RSPO3: variants seen among roughly 807,000 people sequenced by gnomAD.
The protein encoded by RSPO3 is R-spondin 3, also known as R-spondin-3.
RSPO3 carries 17 observed loss-of-function variants against 36.5 expected under a neutral mutation model. That is an observed-to-expected ratio of 0.47 (90% CI 0.32 to 0.70). RSPO3 has a LOEUF of 0.70. Among genes scored for constraint, RSPO3 ranks in the 30% least tolerant of loss-of-function variants. The pLI is 0.04. For missense variants in RSPO3, 294 were observed against 322.5 expected (o/e 0.91, Z 0.68); for synonymous variants, 108 against 107.0 (o/e 1.01, Z -0.06).
intron 4 of RSPO3, among the ~76,000 whole-genome samples, chr6:127,173,033 A>C (rs1167576021): frequency 1.3e-5 from 2 of 151,744 alleles, no homozygotes; most frequent in South Asian, 4.1e-4. Flanking sequence ...GTTCAAGAGG[A>C]TCATTTATTT....
intron 4 of RSPO3, among the ~76,000 whole-genome samples, chr6:127,158,314 T>A (rs1774633680): frequency 6.6e-6 from 1 of 152,128 alleles, no homozygotes; most frequent in Admixed American, 6.6e-5. Flanking sequence ...TGTTTATGGA[T>A]TAATAAAATA....
In RSPO3 at chr6:127,144,643, G is replaced by GTTTTTTTTTTTTTTTTTTTTTTTTTTTTT. The variant is rs56388820; in HGVS notation, c.98-3992_98-3991insTTTTTTTTTTTTTTTTTTTTTTTTTTTTT. Among the ~76,000 whole-genome samples, 4 of 99,130 alleles carry GTTTTTTTTTTTTTTTTTTTTTTTTTTTTT rather than the reference G, an allele frequency of 4.0e-5. 1 individual carries two copies. The highest frequency in any genetic ancestry group is 3.4e-4 in the East Asian group (1 of 2,954). The allele number at this position is 99,130 out of a possible 152,430, so 65.0% of individuals were successfully genotyped here. ...TGTAATTTTTCAGTAGCTTCCCCTT[G>GTTTTTTTTTTTTTTTTTTTTTTTTTTTTT]TTTTTTTTTTTTTCAGACAGAGTCT... On this transcript the variant is annotated intron_variant, in intron 1 of 4. Transcript: ENST00000356698.
At chr6:127,188,823 T>A (rs921599080) in intron 4 of RSPO3, among the ~76,000 whole-genome samples, 1 of 152,330 alleles carries the variant, frequency 6.6e-6, no homozygotes, top group East Asian at 1.9e-4. Flanking sequence ...CTCCAAATCT[T>A]GATTTTTATA....
chr6:127,180,053 A>G (rs1775149794), intron 4 of RSPO3, among the ~76,000 whole-genome samples: 1 of 151,910 alleles, frequency 6.6e-6, no homozygotes, highest in African/African-American at 2.4e-5. Context: ...TTGGAAGTTC[A>G]TAATTTCATG....
At chr6:127,145,093 A>G (rs995456012) in intron 1 of RSPO3, among the ~76,000 whole-genome samples, 11 of 152,122 alleles carry the variant, frequency 7.2e-5, no homozygotes, top group Non-Finnish European at 2.9e-5. Context: ...AAACGTCAGT[A>G]TTCTATGCAC....
At chr6:127,121,681 ACTC>A (rs1773849332) in intron 1 of RSPO3, among the ~76,000 whole-genome samples, 4 of 152,196 alleles carry the variant, frequency 2.6e-5, no homozygotes, top group Admixed American at 2.6e-4. Context: ...ATGCCCAGAA[ACTC>A]AAGGTCAAAC....
chr6:127,145,056 A>G (rs1433043625), intron 1 of RSPO3, among the ~76,000 whole-genome samples: 2 of 152,128 alleles, frequency 1.3e-5, no homozygotes, highest in East Asian at 3.9e-4. Flanking sequence ...TGCAAAATTA[A>G]TGATTCCAAG....
intron 1 of RSPO3, among the ~76,000 whole-genome samples, chr6:127,124,764 G>C (rs1281424144): frequency 6.6e-6 from 1 of 151,948 alleles, no homozygotes; most frequent in East Asian, 1.9e-4. Flanking sequence ...CATCTTTTCT[G>C]TTTCTTCAAT....
chr6:127,180,487 C>CAAAAAAAAAAAAAA (rs71543112), intron 4 of RSPO3, among the ~76,000 whole-genome samples: 5 of 42,646 alleles, frequency 1.2e-4, no homozygotes, highest in Non-Finnish European at 1.7e-4. Flanking sequence ...TGGAAGAAAA[C>CAAAAAAAAAAAAAA]AAAAAAAAAA....
At chr6:127,137,906 T>C (rs1412485258) in intron 1 of RSPO3, among the ~76,000 whole-genome samples, 1 of 152,254 alleles carries the variant, frequency 6.6e-6, no homozygotes, top group Middle Eastern at 3.2e-3. Flanking sequence ...TGTAGGCTTC[T>C]TGAGTCAGAG....
At chr6:127,152,617 C>T (rs994324252) in intron 3 of RSPO3, among the ~76,000 whole-genome samples, 9 of 152,084 alleles carry the variant, frequency 5.9e-5, no homozygotes, top group African/African-American at 2.2e-4. Flanking sequence ...AAAATCCACA[C>T]CGTATTTCTA....
At position 127,155,416 on chromosome 6, in the gene RSPO3, G is replaced by T; in HGVS notation, c.612G>T (p.Lys204Asn). ...NETRKCTVQR[K>N]KCQKGERGKK... ...CAAGAAAGTGTACAGTGCAAAGGAA[G>T]AAGTGTCAGAAGGGAGAACGAGGTA... is the stretch of plus-strand genomic sequence containing the variant. Residue 204 changes from lysine (K) to asparagine (N), a missense_variant, in exon 4 of 5, where the codon AAG (lysine) becomes AAT (asparagine). By Grantham distance (94) the Lys-to-Asn change is moderately conservative. Coordinates refer to ENST00000356698, the MANE Select transcript of RSPO3 (RefSeq NM_032784.5). 1 of 1,613,630 alleles carries T rather than the reference G, an allele frequency of 6.2e-7. No individual in the cohort carries two copies. Among genetic ancestry groups the T allele is most frequent in the Non-Finnish European group, 8.5e-7 (1 of 1,179,748 alleles).
intron 2 of RSPO3, among the ~76,000 whole-genome samples, chr6:127,149,078 G>T (rs953222247): frequency 2.6e-5 from 4 of 152,104 alleles, no homozygotes; most frequent in African/African-American, 9.7e-5. Context: ...CTGGGAATAT[G>T]ATTATTGCTC....
rs1361691779 is a variant in RSPO3 at position 127,198,820 on chromosome 6, T to C, written c.*2813T>C. Among the ~76,000 whole-genome samples the C allele has an allele frequency of 6.6e-6, 1 of 152,204 alleles. No homozygotes were observed. The highest frequency in any genetic ancestry group is 1.5e-5 in the Non-Finnish European group (1 of 68,034). The stretch of plus-strand genomic sequence containing the variant: ...AGACAAGGGAACATTTCACACTTTG[T>C]TTACTTCAGGGTGATGTCCCTGAGT... On this transcript the variant is annotated 3_prime_UTR_variant, in exon 5 of 5. Transcript: ENST00000356698.
rs555941861 is a variant in RSPO3, at chr6:127,119,430, G to C, written c.97+141G>C. On this transcript the variant is annotated intron_variant, in intron 1 of 4. Transcript: ENST00000356698. Reference sequence around the variant, plus strand: ...AGAGGAGATGCAGGTTCGGGCTTTGGGGGTATGGACGGCGTCTTTCACCCT... The same window carrying C: ...AGAGGAGATGCAGGTTCGGGCTTTGCGGGTATGGACGGCGTCTTTCACCCT... 8.0e-5 allele frequency: 53 copies of C among 663,846 alleles called. No homozygotes were observed. In the African/African-American group the frequency reaches 9.1e-4, roughly 11 times the overall value. 41.1% of individuals were successfully genotyped at this position (663,846 alleles called of 1,614,324 possible). A position where few individuals can be genotyped will look rare whatever the true frequency, so the allele number is the denominator to read the frequency against.
intron 4 of RSPO3, among the ~76,000 whole-genome samples, chr6:127,169,849 T>A (rs1003813102): frequency 5.2e-5 from 6 of 115,914 alleles, no homozygotes; most frequent in Non-Finnish European, 1.2e-4. Context: ...TACTTGCTTC[T>A]TTTGTTTTTT....
intron 1 of RSPO3, among the ~76,000 whole-genome samples, chr6:127,124,095 G>GT (rs1457238568): frequency 1.3e-5 from 2 of 152,008 alleles, no homozygotes; most frequent in African/African-American, 4.8e-5. Context: ...ACTATGTAGA[G>GT]TTTTCAGAGC....
chr6:127,153,440 G>A (rs1280030325), intron 3 of RSPO3, among the ~76,000 whole-genome samples: 1 of 151,642 alleles, frequency 6.6e-6, no homozygotes, highest in Non-Finnish European at 1.5e-5. Flanking sequence ...TCATTTCATG[G>A]TGTTTTAACT....
intron 4 of RSPO3, among the ~76,000 whole-genome samples, chr6:127,170,285 T>G (rs539304868): frequency 7.2e-4 from 110 of 151,866 alleles, no homozygotes; most frequent in African/African-American, 2.5e-3. Context: ...TGAAATTGCA[T>G]GTAGAGCCCA....
Sources: allele counts gnomAD v4.1 joint callset (sites outside exome capture counted in the v4.1 genomes callset), GRCh38; gene constraint gnomAD v4.1.1; transcripts MANE v1.5; gene names NCBI Gene and HGNC (gene_info 2026-07-23, HGNC 2026-07-21).